KALRN: variants seen among roughly 807,000 people sequenced by gnomAD.
KALRN encodes the protein kalirin.
Under a neutral mutation model 353.7 loss-of-function variants are expected in KALRN, and 70 were observed. That is an observed-to-expected ratio of 0.20 (90% CI 0.16 to 0.24). The LOEUF (loss-of-function observed/expected upper bound fraction) is 0.24. KALRN is among the 10% of genes least tolerant of loss of function. The pLI, the probability that KALRN is intolerant of heterozygous loss-of-function variation, is 1.00. For missense variants in KALRN, 2,791 were observed against 3,756.7 expected (o/e 0.74, Z 6.72); for synonymous variants, 1,391 against 1,434.8 (o/e 0.97, Z 0.69).
chr3:124,333,462 A>G (rs1180944622), intron 8 of KALRN, among the ~76,000 whole-genome samples: 1 of 152,170 alleles, frequency 6.6e-6, no homozygotes, highest in East Asian at 1.9e-4. Flanking sequence ...GCCTCTTGTC[A>G]CACATCTAGA....
chr3:124,635,256 G>A (rs2081233539), intron 36 of KALRN, among the ~76,000 whole-genome samples: 1 of 152,140 alleles, frequency 6.6e-6, no homozygotes, highest in Non-Finnish European at 1.5e-5. Context: ...TACTTGTAAT[G>A]TATTTTATAA....
At chr3:124,666,954 G>T in intron 46 of KALRN, 58 bp from the exon 47 acceptor site, 1 of 1,520,698 alleles carries the variant, frequency 6.6e-7, no homozygotes, top group Non-Finnish European at 8.9e-7. Context: ...AGAGTAATAT[G>T]TTGCTGATTT....
At chr3:124,269,290 G>C (rs770427746) in intron 5 of KALRN, 35 bp downstream of exon 5, 5 of 1,542,300 alleles carry the variant, frequency 3.2e-6, no homozygotes, top group Admixed American at 4.0e-5. Context: ...GAGCCGGGAT[G>C]GGGGTGAGGG....
rs746100366 is a variant in KALRN at position 124,496,407 on chromosome 3, T to G, written c.4929T>G (p.Ser1643Arg). 10 of 1,612,046 alleles carry G rather than the reference T, an allele frequency of 6.2e-6. No homozygotes were observed. The highest frequency in any genetic ancestry group is 8.5e-6 in the Non-Finnish European group (10 of 1,178,344). Residue 1643 changes from serine to arginine, a missense_variant, in exon 33 of 60, where the codon AGT (serine) becomes AGG (arginine). By Grantham distance (110) the Ser-to-Arg change is moderately radical. Around this residue, in one of 11 missense-constraint regions of KALRN, gnomAD observed 239 missense variants for 351.3 expected, o/e 0.68. Transcript: ENST00000682506. ...GGACCTCTCAGAACACAGTGGACAG[T>G]GACAAGGTAGGACAGAGTCCTAACC... Reference protein sequence around the residue: ...ASRTSQNTVDSDKLSGGCELT... With the variant: ...ASRTSQNTVDRDKLSGGCELT...
In KALRN at chr3:124,455,215, C is replaced by A; in HGVS notation, c.3591C>A (p.Ala1197=). The A allele has an allele frequency of 1.2e-6, 2 of 1,614,060 alleles. No homozygotes were observed. Among genetic ancestry groups the A allele is most frequent in the Non-Finnish European group, 1.7e-6 (2 of 1,180,006 alleles). ...KEKVKLLIQL[A]DSFVEKGHIH... The stretch of plus-strand genomic sequence containing the variant: ...AGGTGAAGCTTCTGATTCAGCTGGC[C>A]GATAGCTTTGTGGAAAAAGGCCACA... The change falls in exon 22 of 60, where the codon GCC becomes GCA. Residue 1197 remains alanine, a synonymous_variant. Coordinates refer to ENST00000682506, the MANE Select transcript of KALRN (RefSeq NM_001388419.1).
intron 34 of KALRN, among the ~76,000 whole-genome samples, chr3:124,569,876 G>A (rs894378603): frequency 1.3e-5 from 2 of 152,148 alleles, no homozygotes; most frequent in African/African-American, 2.4e-5. Context: ...TGGGTGCTTT[G>A]CCAACTAATA....
At chr3:124,101,841 A>AC (rs1265803885) in intron 1 of KALRN, among the ~76,000 whole-genome samples, 21 of 152,036 alleles carry the variant, frequency 1.4e-4, no homozygotes, top group African/African-American at 4.8e-4. Context: ...TCTGCTTGTA[A>AC]CTGGTCCCTA....
chr3:124,384,026 C>A lies in KALRN; in HGVS notation c.1771-819C>A, dbSNP rs551871855. Among the ~76,000 whole-genome samples the A allele has an allele frequency of 4.1e-4, 62 of 152,252 alleles. No individual in the cohort carries two copies. The South Asian group carries it at 0.013, about 31-fold the overall frequency. ...ATCAGGAGACTTTCAAAATGAGAAG[C>A]CTGCTGAGGAAAAGCTGTATCTGCG... On this transcript the variant is annotated intron_variant, in intron 10 of 59. Transcript: ENST00000682506.
chr3:124,163,531 C>A, intron 1 of KALRN: 2 of 901,302 alleles, frequency 2.2e-6, no homozygotes, highest in Non-Finnish European at 2.7e-6. Context: ...TTATGGCATG[C>A]ATTTCTTTAG....
At chr3:124,528,084 C>A (rs879857942) in intron 33 of KALRN, among the ~76,000 whole-genome samples, 6 of 152,216 alleles carry the variant, frequency 3.9e-5, no homozygotes, top group Middle Eastern at 3.4e-3. Flanking sequence ...TATTAATTCC[C>A]TTTGGCTACT....
At chr3:124,131,698 TGTG>T (rs1422974429) in intron 1 of KALRN, among the ~76,000 whole-genome samples, 1 of 152,090 alleles carries the variant, frequency 6.6e-6, no homozygotes, top group African/African-American at 2.4e-5. Flanking sequence ...GTTGGGAAAT[TGTG>T]GTGATTACAG....
At chr3:124,578,781 A>G (rs2074364937) in intron 34 of KALRN, among the ~76,000 whole-genome samples, 1 of 144,986 alleles carries the variant, frequency 6.9e-6, no homozygotes, top group Non-Finnish European at 1.5e-5. Context: ...AAAAAAAAAA[A>G]CCTATAGAAT....
intron 25 of KALRN, among the ~76,000 whole-genome samples, chr3:124,465,329 A>G (rs1228862818): frequency 1.3e-5 from 2 of 152,184 alleles, no homozygotes; most frequent in Non-Finnish European, 1.5e-5. Context: ...CTTTCACTGC[A>G]TAATCAGGTA....
At chr3:124,634,586 C>G (rs2081151757) in intron 36 of KALRN, among the ~76,000 whole-genome samples, 1 of 152,208 alleles carries the variant, frequency 6.6e-6, no homozygotes, top group African/African-American at 2.4e-5. Context: ...CCCAGTTGTT[C>G]TGGAGCAGAA....
intron 23 of KALRN, among the ~76,000 whole-genome samples, chr3:124,458,766 T>C (rs545225370): frequency 5.0e-4 from 75 of 148,748 alleles, no homozygotes; most frequent in Non-Finnish European, 8.4e-4. Context: ...CTGTCTTTGC[T>C]AAAAAAAAAA....
chr3:124,662,193 C>CTTTTTT (rs10549005), intron 45 of KALRN, among the ~76,000 whole-genome samples: 1 of 96,860 alleles, frequency 1.0e-5, no homozygotes, highest in Non-Finnish European at 1.9e-5. Context: ...ACCCAGAATT[C>CTTTTTT]TTTTTTTTTT....
intron 6 of KALRN, among the ~76,000 whole-genome samples, chr3:124,301,270 T>G (rs536373153): frequency 2.0e-5 from 3 of 152,330 alleles, no homozygotes; most frequent in African/African-American, 7.2e-5. Flanking sequence ...AAAACCTTTC[T>G]TCAGACAGAT....
intron 12 of KALRN, chr3:124,395,684 C>A: frequency 7.1e-6 from 2 of 280,350 alleles, no homozygotes; most frequent in Non-Finnish European, 1.4e-5. Context: ...GAGAAATAGA[C>A]ATTATGGAAC....
intron 25 of KALRN, among the ~76,000 whole-genome samples, chr3:124,473,502 A>G (rs1457806190): frequency 1.3e-5 from 2 of 152,216 alleles, no homozygotes; most frequent in Non-Finnish European, 2.9e-5. Context: ...CGTAATTCCT[A>G]CTGAGACAAA....
Sources: allele counts gnomAD v4.1 joint callset (sites outside exome capture counted in the v4.1 genomes callset), GRCh38; gene constraint gnomAD v4.1.1; regional missense constraint gnomAD v4.1.1; transcripts MANE v1.5; gene names NCBI Gene and HGNC (gene_info 2026-07-23, HGNC 2026-07-21).